Variants in CNTNAP2 observed in about 807,000 individuals in gnomAD.
CNTNAP2 encodes the protein contactin-associated protein-like 2.
Under a neutral mutation model 155.2 loss-of-function variants are expected in CNTNAP2, and 98 were observed. That is an observed-to-expected ratio of 0.63 (90% confidence interval 0.54 to 0.75). The LOEUF (loss-of-function observed/expected upper bound fraction) is 0.75, where lower values mean the gene tolerates loss of function less well. Among genes scored for constraint, CNTNAP2 ranks in the 30% least tolerant of loss-of-function variants. The probability of loss-of-function intolerance (pLI) is 0.00; values close to 1 mark genes in which losing one functional copy is unlikely to be tolerated. For missense variants in CNTNAP2, 1,727 were observed against 1,688.1 expected (o/e 1.02, Z -0.40); for synonymous variants, 651 against 631.2 (o/e 1.03, Z -0.47).
intron 1 of CNTNAP2, among the ~76,000 whole-genome samples, chr7:146,381,979 C>A (rs1309160368): frequency 6.6e-6 from 1 of 152,136 alleles, no homozygotes; most frequent in African/African-American, 2.4e-5. Context: ...ATAATAACTT[C>A]TTTGGAACTT....
intron 8 of CNTNAP2, among the ~76,000 whole-genome samples, chr7:147,241,207 T>C (rs945928861): frequency 6.6e-6 from 1 of 152,206 alleles, no homozygotes; most frequent in Non-Finnish European, 1.5e-5. Flanking sequence ...CTACTGTCTT[T>C]AAGAGCAAGG....
intron 10 of CNTNAP2, among the ~76,000 whole-genome samples, chr7:147,416,301 C>T (rs892311929): frequency 6.6e-6 from 1 of 152,162 alleles, no homozygotes; most frequent in Admixed American, 6.5e-5. Flanking sequence ...AGCAGCTTGG[C>T]CTTGGACTGA....
chr7:146,157,691 G>T (rs868846813), intron 1 of CNTNAP2, among the ~76,000 whole-genome samples: 1 of 152,202 alleles, frequency 6.6e-6, no homozygotes, highest in South Asian at 2.1e-4. Context: ...TGGGGGAGGG[G>T]CGTCTGCCAC....
chr7:147,052,517 C>T (rs1799491746), intron 4 of CNTNAP2, among the ~76,000 whole-genome samples: 2 of 151,960 alleles, frequency 1.3e-5, no homozygotes, highest in Non-Finnish European at 2.9e-5. Context: ...AAGGGGCCTA[C>T]AAAATATTGA....
chr7:148,279,816 CA>C (rs1796940580), intron 21 of CNTNAP2, among the ~76,000 whole-genome samples: 1 of 152,126 alleles, frequency 6.6e-6, no homozygotes, highest in Non-Finnish European at 1.5e-5. Flanking sequence ...TACTGATACA[CA>C]AAACAGCTTG....
chr7:146,298,211 C>CTTTGT (rs947383881), intron 1 of CNTNAP2, among the ~76,000 whole-genome samples: 4 of 151,998 alleles, frequency 2.6e-5, no homozygotes, highest in African/African-American at 9.7e-5. Flanking sequence ...TGGTTTTTTG[C>CTTTGT]TTTGTTTTGT....
chr7:146,354,426 T>TG (rs1263888014), intron 1 of CNTNAP2, among the ~76,000 whole-genome samples: 8 of 150,994 alleles, frequency 5.3e-5, no homozygotes, highest in East Asian at 3.9e-4. Context: ...TTTTTTTTTT[T>TG]TTGTTTGAGA....
intron 1 of CNTNAP2, among the ~76,000 whole-genome samples, chr7:146,451,891 ATATT>A (rs1259272427): frequency 1.1e-4 from 8 of 75,842 alleles, no homozygotes; most frequent in Admixed American, 4.8e-4. Flanking sequence ...ACATATACAT[ATATT>A]TATTTATTTA....
chr7:147,562,699 T>C (rs1372621939), intron 12 of CNTNAP2, among the ~76,000 whole-genome samples: 4 of 152,312 alleles, frequency 2.6e-5, no homozygotes, highest in African/African-American at 9.6e-5. Context: ...TGAAATCCCA[T>C]TCTGATAATA....
At chr7:146,510,583 C>T (rs751378164) in intron 1 of CNTNAP2, among the ~76,000 whole-genome samples, 1 of 152,152 alleles carries the variant, frequency 6.6e-6, no homozygotes, top group Non-Finnish European at 1.5e-5. Context: ...ATATTTTCAT[C>T]ATTTTAACAA....
At chr7:146,158,856 G>T (rs1798170033) in intron 1 of CNTNAP2, among the ~76,000 whole-genome samples, 1 of 152,108 alleles carries the variant, frequency 6.6e-6, no homozygotes, top group Admixed American at 6.5e-5. Context: ...AACTAATGAG[G>T]CAGGCCAACA....
At chr7:146,161,682 CA>C (rs1183307804) in intron 1 of CNTNAP2, among the ~76,000 whole-genome samples, 1 of 151,980 alleles carries the variant, frequency 6.6e-6, no homozygotes, top group South Asian at 2.1e-4. Flanking sequence ...CATATGGAAC[CA>C]AAAAGAGCCC....
chr7:147,239,137 G>C (rs747257512), intron 8 of CNTNAP2, among the ~76,000 whole-genome samples: 1 of 152,068 alleles, frequency 6.6e-6, no homozygotes, highest in Non-Finnish European at 1.5e-5. Flanking sequence ...TCAGTCAGTA[G>C]ATAGATGGTA....
chr7:147,614,234 C>T (rs1041546435), intron 12 of CNTNAP2, among the ~76,000 whole-genome samples: 6 of 152,188 alleles, frequency 3.9e-5, no homozygotes, highest in Middle Eastern at 3.4e-3. Context: ...CCACCAGTTG[C>T]TCAATTACAT....
At chr7:146,316,922 G>A (rs1267975695) in intron 1 of CNTNAP2, among the ~76,000 whole-genome samples, 3 of 151,506 alleles carry the variant, frequency 2.0e-5, no homozygotes, top group Admixed American at 2.0e-4. Flanking sequence ...AGAAGCATAG[G>A]GGCCTTGTTC....
chr7:147,634,898 G>A (rs1241615159), intron 12 of CNTNAP2, among the ~76,000 whole-genome samples: 3 of 151,958 alleles, frequency 2.0e-5, no homozygotes, highest in African/African-American at 4.8e-5. Context: ...TCTAACTCCC[G>A]CTTCTTCCTA....
intron 4 of CNTNAP2, among the ~76,000 whole-genome samples, chr7:147,083,854 T>TATACACATGTATGTACATATTATATACAC (rs2129269474): frequency 7.1e-6 from 1 of 141,054 alleles, no homozygotes; most frequent in Admixed American, 7.4e-5. Context: ...ATTATATACA[T>TATACACATGTATGTACATATTATATACAC]ATACACATGT....
At chr7:146,299,392 C>T (rs911743296) in intron 1 of CNTNAP2, among the ~76,000 whole-genome samples, 2 of 152,084 alleles carry the variant, frequency 1.3e-5, no homozygotes, top group East Asian at 1.9e-4. Context: ...AGTCTCAAAG[C>T]CAATGATTAT....
At chr7:147,842,322 TACAG>T (rs1382797207) in intron 13 of CNTNAP2, among the ~76,000 whole-genome samples, 6 of 152,348 alleles carry the variant, frequency 3.9e-5, no homozygotes, top group Admixed American at 2.6e-4. Flanking sequence ...GAAATTTTGA[TACAG>T]ACAATTTGTT....
Sources: gnomAD v4.1 joint callset for allele counts (sites outside exome capture counted in the v4.1 genomes callset) on GRCh38, gnomAD v4.1.1 for gene constraint, MANE v1.5 for transcripts, NCBI Gene and HGNC (gene_info 2026-07-23, HGNC 2026-07-21) for gene names.